Variants in SHOX observed in about 807,000 individuals in gnomAD.
SHOX encodes SHOX homeobox.
In SHOX, 12 loss-of-function variants were observed where a neutral mutation model predicts 29.6. That is an observed-to-expected ratio of 0.41 (90% CI 0.26 to 0.66). SHOX has a LOEUF of 0.66. Ranked by LOEUF, SHOX falls within the 30% of genes least tolerant of loss-of-function variation. SHOX has a pLI of 0.35. For missense variants in SHOX, 499 were observed against 437.7 expected (o/e 1.14, Z -1.25); for synonymous variants, 214 against 200.6 (o/e 1.07, Z -0.57).
At chrX:637,579 CA>C (rs2052779950) in intron 2 of SHOX, among the ~76,000 whole-genome samples, 1 of 151,754 alleles carries the variant, frequency 6.6e-6, no homozygotes, top group South Asian at 2.1e-4. Flanking sequence ...ATAATAACAA[CA>C]AACATGGGAA....
chrX:638,943 G>A (rs1302832649), intron 2 of SHOX, among the ~76,000 whole-genome samples: 1 of 152,178 alleles, frequency 6.6e-6, no homozygotes, highest in Non-Finnish European at 1.5e-5. Flanking sequence ...CAGAAAACCT[G>A]TTAGGAGGAA....
chrX:652,541 G>A (rs1471223680), downstream of SHOX, among the ~76,000 whole-genome samples: 1 of 151,902 alleles, frequency 6.6e-6, no homozygotes, highest in Non-Finnish European at 1.5e-5. Flanking sequence ...CTTTCTCTGT[G>A]GGGGGCTCAG....
At position 649,752 on chromosome X, in the gene SHOX, C is replaced by G. The variant is rs1428432431; in HGVS notation, c.*5116C>G. Among the ~76,000 whole-genome samples, 1 of 152,134 alleles carries G rather than the reference C, an allele frequency of 6.6e-6. No homozygotes were observed. The highest frequency in any genetic ancestry group is 1.5e-5 in the Non-Finnish European group (1 of 68,026). On this transcript the variant is annotated 3_prime_UTR_variant, in exon 5 of 5. Transcript: ENST00000686671. ...ACGTTGCTGGCCGAACTGAACGATG[C>G]TGGGTTGGGTCCTGATTGATACGTA... is the stretch of plus-strand genomic sequence containing the variant.
chrX:655,610 CTCTCTATATA>C (rs1485628777), downstream of SHOX, among the ~76,000 whole-genome samples: 36 of 19,120 alleles, frequency 1.9e-3, no homozygotes, highest in African/African-American at 4.3e-3. Flanking sequence ...CTCTCTCTCT[CTCTCTATATA>C]TATATATATA....
chrX:655,878 T>G (rs1907770960), downstream of SHOX, among the ~76,000 whole-genome samples: 1 of 151,800 alleles, frequency 6.6e-6, no homozygotes, highest in South Asian at 2.1e-4. Flanking sequence ...AATTCAGAAA[T>G]TGGAAAGCAA....
At chrX:635,225 C>G (rs1422802996) in intron 2 of SHOX, among the ~76,000 whole-genome samples, 1 of 152,024 alleles carries the variant, frequency 6.6e-6, no homozygotes, top group Non-Finnish European at 1.5e-5. Context: ...CACATGCAAA[C>G]AAAACTTTCC....
At chrX:651,641 G>GAAAAAA (rs553983413), downstream of SHOX, among the ~76,000 whole-genome samples, 5 of 107,532 alleles carry the variant, frequency 4.6e-5, no homozygotes, top group African/African-American at 1.8e-4. Context: ...AGGCTTATTG[G>GAAAAAA]AAAAAAAAAA....
In SHOX at chrX:644,528, C is replaced by G; in HGVS notation, c.771C>G (p.Ala257=). ...CCATCGCGTCGCTGGCCGAGTCCGC[C>G]TCGGCCGCCGCCGTGGTCGCCGCCG... The part of the protein sequence containing the change: ...GLPIASLAES[A]SAAAVVAAAA... Residue 257 remains alanine, a synonymous_variant, in exon 5 of 5, where the codon GCC becomes GCG. Coordinates refer to ENST00000686671, the MANE Select transcript of SHOX (RefSeq NM_000451.4). The G allele has an allele frequency of 6.6e-7, 1 of 1,518,694 alleles. No individual in the cohort carries two copies. The highest frequency in any genetic ancestry group is 8.8e-7 in the Non-Finnish European group (1 of 1,139,968). 94.1% of individuals were successfully genotyped at this position (1,518,694 alleles called of 1,614,324 possible).
rs995924042 is a variant in SHOX, at chrX:645,067, A to C, written c.*431A>C. On this transcript the variant is annotated 3_prime_UTR_variant, in exon 5 of 5. Coordinates refer to ENST00000686671, the MANE Select transcript of SHOX (RefSeq NM_000451.4). ...TGAAAATGCCATTTCTTCGTTGCCA[A>C]CGATTTTCTTTACTACCATGCTCCT... 5 of 168,022 alleles carry C rather than the reference A, an allele frequency of 3.0e-5. No homozygotes were observed. The highest frequency in any genetic ancestry group is 2.0e-4 in the South Asian group (1 of 5,096). 10.4% of individuals were successfully genotyped at this position (168,022 alleles called of 1,614,324 possible). A position where few individuals can be genotyped will look rare whatever the true frequency, so the allele number is the denominator to read the frequency against.
intron 4 of SHOX, among the ~76,000 whole-genome samples, chrX:641,645 A>G (rs1171552327): frequency 1.4e-5 from 2 of 146,006 alleles, no homozygotes; most frequent in Non-Finnish European, 3.0e-5. Flanking sequence ...GCGCCACTGC[A>G]CTCCACTCTG....
upstream of SHOX, among the ~76,000 whole-genome samples, chrX:626,335 T>C (rs1305985048): frequency 7.1e-6 from 1 of 140,462 alleles, no homozygotes; most frequent in Non-Finnish European, 1.6e-5. Flanking sequence ...TGTCTCTGTC[T>C]GTATCTCTGT....
In SHOX at chrX:635,757, A is replaced by G. The variant is rs147473161; in HGVS notation, c.486+931A>G. Among the ~76,000 whole-genome samples, 809 of 152,066 alleles carry G rather than the reference A, an allele frequency of 5.3e-3. 11 individuals are homozygous for G. Among genetic ancestry groups the G allele is most frequent in the African/African-American group, 0.019 (773 of 41,482 alleles). On this transcript the variant is annotated intron_variant, in intron 2 of 4. Coordinates refer to ENST00000686671, the MANE Select transcript of SHOX (RefSeq NM_000451.4). ...AGGGGTGCTGCTGGGAGAGCCTCCA[A>G]ATGGCTTCTTCCAGCCCCTGCCTGA... is the stretch of plus-strand genomic sequence containing the variant.
intron 2 of SHOX, 102 bp from the exon 3 acceptor site, chrX:640,719 G>C: frequency 7.6e-7 from 1 of 1,320,048 alleles, no homozygotes; most frequent in Non-Finnish European, 1.1e-6. Context: ...CCAGCTCCCA[G>C]AGGTGCAAAG....
At position 650,821 on chromosome X, in the gene SHOX, T is replaced by TAAAAAA. The variant is rs2053049446; in HGVS notation, c.*6185_*6186insAAAAAA. Among the ~76,000 whole-genome samples the TAAAAAA allele has an allele frequency of 1.2e-5, 1 of 80,328 alleles. No homozygotes were observed. The allele number at this position is 80,328 out of a possible 152,430, so 52.7% of individuals were successfully genotyped here. On this transcript the variant is annotated 3_prime_UTR_variant, in exon 5 of 5. Transcript: ENST00000686671. ...AAAAAAAAAAAAAAAAAAAAAAAACTGGTGCCTAATTTATTAAAGAGAATT... is the reference window on the plus strand; with the variant it reads ...AAAAAAAAAAAAAAAAAAAAAAAACTAAAAAAGGTGCCTAATTTATTAAAGAGAATT...
downstream of SHOX, among the ~76,000 whole-genome samples, chrX:652,026 G>C (rs1430793206): frequency 3.9e-5 from 6 of 151,942 alleles, no homozygotes; most frequent in Non-Finnish European, 7.4e-5. Context: ...GGGTTCAAGC[G>C]ACTCTCCTGC....
chrX:645,001 G>C lies in SHOX; in HGVS notation c.*365G>C, dbSNP rs905677125. 4.0e-6 allele frequency: 1 copy of C among 247,662 alleles called. No individual in the cohort carries two copies. Among genetic ancestry groups the C allele is most frequent in the Admixed American group, 5.7e-5 (1 of 17,652 alleles). The allele number at this position is 247,662 out of a possible 1,614,324, so 15.3% of individuals were successfully genotyped here. A position where few individuals can be genotyped will look rare whatever the true frequency, so the allele number is the denominator to read the frequency against. On this transcript the variant is annotated 3_prime_UTR_variant, in exon 5 of 5. Transcript: ENST00000686671. Reference sequence around the variant, plus strand: ...ACTACACACGTTTGGAAGATCCTTAGAGTCTATTGAAACTGCAAAGATCCC... The same window carrying C: ...ACTACACACGTTTGGAAGATCCTTACAGTCTATTGAAACTGCAAAGATCCC...
intron 4 of SHOX, among the ~76,000 whole-genome samples, chrX:644,124 T>C (rs1347465254): frequency 3.3e-5 from 5 of 152,102 alleles, no homozygotes; most frequent in Non-Finnish European, 7.4e-5. Flanking sequence ...CCTGAGGGCG[T>C]TCCATTTGTG....
At chrX:624,913 T>TCTTTCTTC (rs1569491714) in intron 1 of SHOX, among the ~76,000 whole-genome samples, 31 of 83,362 alleles carry the variant, frequency 3.7e-4, no homozygotes, top group Middle Eastern at 6.8e-3. Context: ...TCTCTTCCTT[T>TCTTTCTTC]CTTTCTTTCT....
At chrX:655,614 C>CTCTCTATATATA (rs2053135294), downstream of SHOX, among the ~76,000 whole-genome samples, 1 of 35,072 alleles carries the variant, frequency 2.9e-5, no homozygotes, top group African/African-American at 1.3e-4. Flanking sequence ...CTCTCTCTCT[C>CTCTCTATATATA]TATATATATA....
Sources: gnomAD v4.1 joint callset for allele counts (sites outside exome capture counted in the v4.1 genomes callset) on GRCh38, gnomAD v4.1.1 for gene constraint, MANE v1.5 for transcripts, NCBI Gene and HGNC (gene_info 2026-07-23, HGNC 2026-07-21) for gene names.